Variants in JAKMIP1 observed in about 807,000 individuals in gnomAD.
The protein encoded by JAKMIP1 is janus kinase and microtubule interacting protein 1.
Under a neutral mutation model 113.0 loss-of-function variants are expected in JAKMIP1, and 33 were observed. That is an observed-to-expected ratio of 0.29 (90% CI 0.22 to 0.39). The LOEUF (loss-of-function observed/expected upper bound fraction) is 0.39. Among genes scored for constraint, JAKMIP1 ranks in the 10% least tolerant of loss-of-function variants. The probability of loss-of-function intolerance (pLI) is 1.00; values close to 1 mark genes in which losing one functional copy is unlikely to be tolerated. For synonymous variants in JAKMIP1, 480 were observed against 459.9 expected, an observed-to-expected ratio of 1.04 and a Z score of -0.56; for missense variants, 813 against 1,080.5, an observed-to-expected ratio of 0.75 and a Z score of 3.47.
rs1264805428 is a variant in JAKMIP1, at chr4:6,094,559, C to T, written c.625-8930G>A. ...AGGCTGGTCCATCGGCCCCTGTTCT[C>T]CTAGTTGAGATCCTGAGGCCCAAGG... On this transcript the variant is annotated intron_variant, in intron 3 of 20. Coordinates refer to ENST00000409021, the MANE Select transcript of JAKMIP1 (RefSeq NM_001099433.2). This position sits in a 1 kb window ranked among gnomAD's most constrained non-coding sequence, Gnocchi z 4.2. Among the ~76,000 whole-genome samples, 1 of 152,212 alleles carries T rather than the reference C, an allele frequency of 6.6e-6. No individual in the cohort carries two copies. Among genetic ancestry groups the T allele is most frequent in the Admixed American group, 6.5e-5 (1 of 15,290 alleles).
intron 3 of JAKMIP1, 96 bp from the exon 4 acceptor site, chr4:6,085,725 G>T: frequency 8.9e-7 from 1 of 1,121,084 alleles, no homozygotes; most frequent in Non-Finnish European, 1.3e-6. Flanking sequence ...AAAGGTCAAA[G>T]CAGTGTCTCG....
At chr4:6,098,574 G>C (rs1411583011) in intron 3 of JAKMIP1, among the ~76,000 whole-genome samples, 2 of 126,866 alleles carry the variant, frequency 1.6e-5, no homozygotes, top group African/African-American at 2.9e-5. Flanking sequence ...AAGAAAGAAA[G>C]AAAGAAAGAA....
chr4:6,039,822 T>TA (rs1289377731), intron 18 of JAKMIP1, among the ~76,000 whole-genome samples: 1 of 152,246 alleles, frequency 6.6e-6, no homozygotes, highest in Admixed American at 6.5e-5. Flanking sequence ...ACCTGCTCTC[T>TA]GTCTTCCTGG....
chr4:6,130,021 G>A (rs6851664), intron 1 of JAKMIP1, among the ~76,000 whole-genome samples: 10,849 of 152,224 alleles, frequency 0.071, 1,179 homozygotes, highest in African/African-American at 0.24. Flanking sequence ...AAGACTCTGG[G>A]ACACCTCTGG....
Position 6,089,092 on chromosome 4 carries a change from C to T in JAKMIP1, c.625-3463G>A, listed in dbSNP as rs1721685907. ...TAGGAGCTAAGAAAGGGACTCTGGG[C>T]TGTGTGGTGTGAGAATGTGGGACCT... On this transcript the variant is annotated intron_variant, in intron 3 of 20. Transcript: ENST00000409021. The surrounding 1 kb of genome is among the most constrained non-coding windows in gnomAD (Gnocchi z 5.3). Among the ~76,000 whole-genome samples the T allele has an allele frequency of 6.6e-6, 1 of 152,190 alleles. No individual in the cohort carries two copies. The highest frequency in any genetic ancestry group is 6.5e-5 in the Admixed American group (1 of 15,280).
intron 2 of JAKMIP1, among the ~76,000 whole-genome samples, chr4:6,107,756 G>T (rs373009688): frequency 1.3e-3 from 194 of 148,958 alleles, no homozygotes; most frequent in South Asian, 2.1e-3. Flanking sequence ...CTCTGTGGGG[G>T]GTGTGTGTGT....
rs2109032224 is a variant in JAKMIP1 at position 6,176,548 on chromosome 4, T to C, written c.-148+23705A>G. Reference sequence around the variant, plus strand: ...AAACAAGACGCAGCACTGTACCACATCACCCGGACACACTCAGAATGGGGC... The same window carrying C: ...AAACAAGACGCAGCACTGTACCACACCACCCGGACACACTCAGAATGGGGC... On this transcript the variant is annotated intron_variant, in intron 1 of 20. Transcript: ENST00000409021. This position sits in a 1 kb window ranked among gnomAD's most constrained non-coding sequence, Gnocchi z 5.5. Among the ~76,000 whole-genome samples, 1 of 152,248 alleles carries C rather than the reference T, an allele frequency of 6.6e-6. No homozygotes were observed. The highest frequency in any genetic ancestry group is 6.5e-5 in the Admixed American group (1 of 15,302).
intron 12 of JAKMIP1, among the ~76,000 whole-genome samples, chr4:6,054,993 AGGCCTG>A (rs1417576552): frequency 6.6e-6 from 1 of 152,088 alleles, no homozygotes; most frequent in Non-Finnish European, 1.5e-5. Context: ...AATTCTCCCG[AGGCCTG>A]GGGTTGCTCG....
intron 3 of JAKMIP1, among the ~76,000 whole-genome samples, chr4:6,098,194 G>T (rs887321109): frequency 6.6e-6 from 1 of 152,210 alleles, no homozygotes; most frequent in East Asian, 1.9e-4. Context: ...ACTTCGGGAT[G>T]CCAAGACAGG....
At chr4:6,105,416 A>C in intron 3 of JAKMIP1, 57 bp downstream of exon 3, 1 of 1,477,380 alleles carries the variant, frequency 6.8e-7, no homozygotes, top group Non-Finnish European at 9.1e-7. Context: ...CATTTCCCCC[A>C]TGCGTGCAGG....
rs771326787 is a variant in JAKMIP1, at chr4:6,112,827, C to T, written c.24G>A (p.Lys8=). 1 of 1,614,056 alleles carries T rather than the reference C, an allele frequency of 6.2e-7. No homozygotes were observed. The highest frequency in any genetic ancestry group is 1.7e-5 in the Admixed American group (1 of 60,036). The part of the protein sequence containing the change: MSKKGRS[K]GEKPEMETDA... ...CCGTCTCCATCTCGGGCTTCTCGCC[C>T]TTGCTCCGGCCTTTCTTCGACATGC... Residue 8 remains lysine (K), a synonymous_variant, in exon 2 of 21, where the codon AAG becomes AAA. Transcript: ENST00000409021.
intron 3 of JAKMIP1, among the ~76,000 whole-genome samples, chr4:6,092,335 T>C (rs946863934): frequency 2.6e-5 from 4 of 152,192 alleles, no homozygotes; most frequent in Non-Finnish European, 5.9e-5. Context: ...ATCTCCTTCC[T>C]GTGCTACAAA....
chr4:6,108,946 T>C lies in JAKMIP1; in HGVS notation c.130-2979A>G, dbSNP rs769686881. ...CGCAGGTCAGTATACACATATATATTCCTTGTTCTGGCAGCTGAGAGGGCC... is the reference window on the plus strand; with the variant it reads ...CGCAGGTCAGTATACACATATATATCCCTTGTTCTGGCAGCTGAGAGGGCC... On this transcript the variant is annotated intron_variant, in intron 2 of 20. Coordinates refer to ENST00000409021, the MANE Select transcript of JAKMIP1 (RefSeq NM_001099433.2). The surrounding 1 kb of genome is among the most constrained non-coding windows in gnomAD (Gnocchi z 5.6). Among the ~76,000 whole-genome samples, 1 of 152,210 alleles carries C rather than the reference T, an allele frequency of 6.6e-6. No homozygotes were observed. The highest frequency in any genetic ancestry group is 1.5e-5 in the Non-Finnish European group (1 of 68,048).
At chr4:6,048,769 C>A in intron 16 of JAKMIP1, 88 bp downstream of exon 16, 1 of 1,128,664 alleles carries the variant, frequency 8.9e-7, no homozygotes, top group Non-Finnish European at 1.3e-6. Flanking sequence ...CATGCTCCCA[C>A]GCAAAGCAAG....
chr4:6,064,813 A>G lies in JAKMIP1; in HGVS notation c.1431+67T>C. ...CAAGGGAGCGAAACTTGCAACTATC[A>G]AAAGCAGGAGGTGCCGCCCCGAGAG... On this transcript the variant is annotated intron_variant, in intron 9 of 20. Coordinates refer to ENST00000409021, the MANE Select transcript of JAKMIP1 (RefSeq NM_001099433.2). This position sits in a 1 kb window ranked among gnomAD's most constrained non-coding sequence, Gnocchi z 4.3. 6.2e-7 allele frequency: 1 copy of G among 1,605,380 alleles called. No individual in the cohort carries two copies. Among genetic ancestry groups the G allele is most frequent in the Non-Finnish European group, 8.5e-7 (1 of 1,174,822 alleles).
In JAKMIP1 at chr4:6,197,124, A is replaced by C. The variant is rs1221156009; in HGVS notation, c.-148+3129T>G. Among the ~76,000 whole-genome samples the C allele has an allele frequency of 6.6e-6, 1 of 152,138 alleles. No individual in the cohort carries two copies. The highest frequency in any genetic ancestry group is 1.5e-5 in the Non-Finnish European group (1 of 68,022). On this transcript the variant is annotated intron_variant, in intron 1 of 20. Transcript: ENST00000409021. The surrounding 1 kb of genome is among the most constrained non-coding windows in gnomAD (Gnocchi z 6.5). ...GGCAGAAGCGGGAGGTTAAGTGCTG[A>C]TATTTCCTTACGTGGCCCTCATTCC...
At chr4:6,152,788 A>AC in intron 1 of JAKMIP1, among the ~76,000 whole-genome samples, 1 of 131,920 alleles carries the variant, frequency 7.6e-6, no homozygotes, top group African/African-American at 3.1e-5. Context: ...CTAAAAATAC[A>AC]AATATATATA....
In JAKMIP1 at chr4:6,106,090, GTTCCCATGGA is replaced by G; in HGVS notation, c.130-133_130-124del. ...GCCCAAGACACCCACCTGGGCCCAC[GTTCCCATGGA>G]TTCCCCCTTCGGCAGTGCCCTGCAG... On this transcript the variant is annotated intron_variant, in intron 2 of 20. Transcript: ENST00000409021. This position sits in a 1 kb window ranked among gnomAD's most constrained non-coding sequence, Gnocchi z 5.9. The G allele has an allele frequency of 1.5e-6, 1 of 651,962 alleles. No individual in the cohort carries two copies. The highest frequency in any genetic ancestry group is 2.6e-6 in the Non-Finnish European group (1 of 384,186). 40.4% of individuals were successfully genotyped at this position (651,962 alleles called of 1,614,324 possible).
rs1728203515 is a variant in JAKMIP1, at chr4:6,199,432, G to C, written c.-148+821C>G. 6.6e-6 allele frequency among the ~76,000 whole-genome samples: 1 copy of C among 152,210 alleles called. No individual in the cohort carries two copies. The highest frequency in any genetic ancestry group is 2.4e-5 in the African/African-American group (1 of 41,472). ...ATGGAGCGAAGGACCGAGGGGCTGGGAGGCGAGGCCGCAGCGCACTGACGC... is the reference window on the plus strand; with the variant it reads ...ATGGAGCGAAGGACCGAGGGGCTGGCAGGCGAGGCCGCAGCGCACTGACGC... On this transcript the variant is annotated intron_variant, in intron 1 of 20. Transcript: ENST00000409021. The surrounding 1 kb of genome is among the most constrained non-coding windows in gnomAD (Gnocchi z 5.6).
Sources: allele counts gnomAD v4.1 joint callset (sites outside exome capture counted in the v4.1 genomes callset), GRCh38; gene constraint gnomAD v4.1.1; non-coding constraint Gnocchi (gnomAD v3.1); transcripts MANE v1.5; gene names NCBI Gene and HGNC (gene_info 2026-07-23, HGNC 2026-07-21).